Variants in SLC24A2 observed in about 807,000 individuals in gnomAD.
SLC24A2 encodes the protein solute carrier family 24 member 2.
Under a neutral mutation model 62.0 loss-of-function variants are expected in SLC24A2, and 36 were observed. The ratio of observed to expected loss-of-function variants is 0.58; its 90% CI spans 0.44 to 0.77. The LOEUF (loss-of-function observed/expected upper bound fraction) is 0.77, where lower values mean the gene tolerates loss of function less well. Among genes scored for constraint, SLC24A2 ranks in the 30% least tolerant of loss-of-function variants. The probability of loss-of-function intolerance (pLI) is 0.00; values close to 1 mark genes in which losing one functional copy is unlikely to be tolerated. For synonymous variants in SLC24A2, 358 were observed against 294.0 expected, an observed-to-expected ratio of 1.22 and a Z score of -2.23; for missense variants, 846 against 817.9, an observed-to-expected ratio of 1.03 and a Z score of -0.42.
intron 2 of SLC24A2, among the ~76,000 whole-genome samples, chr9:19,661,827 C>G (rs1402795967): frequency 1.3e-5 from 2 of 152,148 alleles, no homozygotes; most frequent in Non-Finnish European, 2.9e-5. Context: ...GTCTACTGAC[C>G]CTCAGGAAGC....
intron 2 of SLC24A2, among the ~76,000 whole-genome samples, chr9:19,674,018 T>C (rs1168243684): frequency 1.3e-5 from 2 of 152,196 alleles, no homozygotes; most frequent in African/African-American, 2.4e-5. Context: ...ATTTCAAGGA[T>C]TTGTTTCAAG....
chr9:19,848,146 G>T, the SLC24A2 span, among the ~76,000 whole-genome samples: 1 of 147,534 alleles, frequency 6.8e-6, no homozygotes, highest in African/African-American at 2.4e-5. Context: ...ATATTCACTA[G>T]ACAATACTAA....
chr9:20,276,632 T>TC, the SLC24A2 span, among the ~76,000 whole-genome samples: 1 of 151,992 alleles, frequency 6.6e-6, no homozygotes, highest in Admixed American at 6.6e-5. Context: ...GTGTAGGGGC[T>TC]CCCCCTTCAC....
chr9:19,788,755 G>A, intron 1 of SLC24A2, 130 bp downstream of exon 1: 1 of 985,338 alleles, frequency 1.0e-6, no homozygotes, highest in African/African-American at 1.7e-5. Context: ...AGCGGGGCCT[G>A]GGGCGCCCAC....
the SLC24A2 span, among the ~76,000 whole-genome samples, chr9:20,208,056 C>T: frequency 6.6e-6 from 1 of 151,984 alleles, no homozygotes; most frequent in Non-Finnish European, 1.5e-5. Context: ...ACAAATATCA[C>T]ACAAGTAAGT....
chr9:19,991,633 G>T, the SLC24A2 span, among the ~76,000 whole-genome samples: 1 of 152,094 alleles, frequency 6.6e-6, no homozygotes, highest in Admixed American at 6.6e-5. Flanking sequence ...ACTGTATTTG[G>T]TTCCAAATGC....
At position 19,553,417 on chromosome 9, in the gene SLC24A2, A is replaced by G. The variant is rs146974586; in HGVS notation, c.1348-3149T>C. 2.6e-5 allele frequency among the ~76,000 whole-genome samples: 4 copies of G among 152,330 alleles called. No homozygotes were observed. The East Asian group carries it at 7.7e-4, about 29-fold the overall frequency. On this transcript the variant is annotated intron_variant, in intron 7 of 10. Transcript: ENST00000341998. ...ACAAAACAAAGCAAAATGGTCCAGA[A>G]AGGATTCAAATGGCTTTTGATATGA...
chr9:20,064,427 T>C, the SLC24A2 span, among the ~76,000 whole-genome samples: 1 of 152,152 alleles, frequency 6.6e-6, no homozygotes, highest in Admixed American at 6.6e-5. Flanking sequence ...TCTTTATAAA[T>C]TTACTTAAAA....
chr9:19,825,259 T>C, the SLC24A2 span, among the ~76,000 whole-genome samples: 640 of 152,326 alleles, frequency 4.2e-3, 2 homozygotes, highest in African/African-American at 0.015. Context: ...CAATTATATC[T>C]TTTATAGCAA....
the SLC24A2 span, among the ~76,000 whole-genome samples, chr9:19,795,244 T>G: frequency 6.6e-6 from 1 of 152,140 alleles, no homozygotes; most frequent in Non-Finnish European, 1.5e-5. Context: ...CTCAGCATCC[T>G]GACACTGTGT....
At chr9:19,771,847 A>T (rs1389498733) in intron 2 of SLC24A2, among the ~76,000 whole-genome samples, 1 of 152,202 alleles carries the variant, frequency 6.6e-6, no homozygotes, top group Non-Finnish European at 1.5e-5. Context: ...AGCTTCATAC[A>T]ATTACAAAGT....
chr9:20,059,608 A>G, the SLC24A2 span, among the ~76,000 whole-genome samples: 1 of 152,172 alleles, frequency 6.6e-6, no homozygotes, highest in Non-Finnish European at 1.5e-5. Flanking sequence ...AATGAAAATG[A>G]AAACATAGCA....
At chr9:20,068,994 G>T in the SLC24A2 span, among the ~76,000 whole-genome samples, 2 of 152,076 alleles carry the variant, frequency 1.3e-5, no homozygotes, top group African/African-American at 4.8e-5. Flanking sequence ...TCCCAAGAGT[G>T]CAAGAAACTC....
the SLC24A2 span, among the ~76,000 whole-genome samples, chr9:19,881,925 C>G: frequency 6.6e-6 from 1 of 152,192 alleles, no homozygotes; most frequent in Admixed American, 6.5e-5. Flanking sequence ...GTGAGCATTT[C>G]TGCATGTTAT....
the SLC24A2 span, among the ~76,000 whole-genome samples, chr9:19,817,431 C>G: frequency 1.3e-5 from 2 of 151,692 alleles, no homozygotes; most frequent in African/African-American, 2.4e-5. Context: ...CCAACCTGTT[C>G]CCATTGGATG....
the SLC24A2 span, among the ~76,000 whole-genome samples, chr9:19,825,605 A>C: frequency 6.6e-6 from 1 of 152,232 alleles, no homozygotes; most frequent in South Asian, 2.1e-4. Flanking sequence ...ATATGTGTGG[A>C]AATTCAATGG....
At chr9:19,535,412 C>A (rs1302354455) in intron 8 of SLC24A2, among the ~76,000 whole-genome samples, 1 of 152,168 alleles carries the variant, frequency 6.6e-6, no homozygotes, top group Non-Finnish European at 1.5e-5. Context: ...GTGTTTTAGA[C>A]ATGAAGTCTT....
At chr9:20,252,042 G>A in the SLC24A2 span, among the ~76,000 whole-genome samples, 1 of 152,172 alleles carries the variant, frequency 6.6e-6, no homozygotes, top group Non-Finnish European at 1.5e-5. Context: ...CTGTCAAAGG[G>A]AATGGGATCT....
intron 8 of SLC24A2, among the ~76,000 whole-genome samples, chr9:19,544,926 G>C (rs994151232): frequency 1.3e-5 from 2 of 152,120 alleles, no homozygotes; most frequent in African/African-American, 4.8e-5. Flanking sequence ...TTCTCAAGGA[G>C]TATCTTTGTG....
Sources: gnomAD v4.1 joint callset for allele counts (sites outside exome capture counted in the v4.1 genomes callset) on GRCh38, gnomAD v4.1.1 for gene constraint, MANE v1.5 for transcripts, NCBI Gene and HGNC (gene_info 2026-07-23, HGNC 2026-07-21) for gene names.